ROR2: variants seen among roughly 807,000 people sequenced by gnomAD.
ROR2 encodes tyrosine-protein kinase transmembrane receptor ROR2.
Under a neutral mutation model 74.9 loss-of-function variants are expected in ROR2, and 33 were observed. The ratio of observed to expected loss-of-function variants is 0.44; its 90% CI spans 0.33 to 0.59. ROR2 has a LOEUF of 0.59. Ranked by LOEUF, ROR2 falls within the 20% of genes least tolerant of loss-of-function variation. The pLI is 0.02. For synonymous variants in ROR2, 586 were observed against 558.7 expected (o/e 1.05, Z -0.69); for missense variants, 1,216 against 1,313.8 (o/e 0.93, Z 1.15).
At chr9:91,865,848 C>A (rs1178271635) in intron 1 of ROR2, among the ~76,000 whole-genome samples, 2 of 152,126 alleles carry the variant, frequency 1.3e-5, no homozygotes, top group East Asian at 3.9e-4. Flanking sequence ...AACAGGGCCC[C>A]ACCTCCAAAA....
intron 4 of ROR2, among the ~76,000 whole-genome samples, chr9:91,743,431 C>T (rs1326852732): frequency 2.0e-5 from 3 of 151,880 alleles, no homozygotes; most frequent in South Asian, 2.1e-4. Context: ...ATTAGCCAGG[C>T]GTGGTGATGC....
rs376007496 is a variant in ROR2 at position 91,862,463 on chromosome 9, G to A, written c.98-86645C>T. Among the ~76,000 whole-genome samples, 59 of 152,196 alleles carry A rather than the reference G, an allele frequency of 3.9e-4. No individual in the cohort carries two copies. The South Asian group carries it at 0.011, about 28-fold the overall frequency. ...AGTTGAGGCCAAGAGTTCAGAAACA[G>A]CCTCGTCAACACACTGAGGCCCTGT... On this transcript the variant is annotated intron_variant, in intron 1 of 8. Transcript: ENST00000375708.
chr9:91,929,138 T>G (rs1831486029), intron 1 of ROR2, among the ~76,000 whole-genome samples: 1 of 152,170 alleles, frequency 6.6e-6, no homozygotes, highest in Admixed American at 6.5e-5. Context: ...CACCCGTATT[T>G]CCCCTAACAC....
chr9:91,821,654 G>A (rs1190304885), intron 1 of ROR2, among the ~76,000 whole-genome samples: 3 of 152,126 alleles, frequency 2.0e-5, no homozygotes, highest in African/African-American at 7.2e-5. Context: ...GTCAACCATT[G>A]TCAGTGCCAA....
At chr9:91,891,683 G>A (rs1830423827) in intron 1 of ROR2, among the ~76,000 whole-genome samples, 1 of 152,140 alleles carries the variant, frequency 6.6e-6, no homozygotes, top group African/African-American at 2.4e-5. Flanking sequence ...TTCCTTGCTG[G>A]GTGTGGGCTG....
At chr9:91,755,028 A>C (rs990524448) in intron 4 of ROR2, among the ~76,000 whole-genome samples, 4 of 152,190 alleles carry the variant, frequency 2.6e-5, no homozygotes, top group Middle Eastern at 3.4e-3. Context: ...GGTGGCACGC[A>C]CCTGCAGTCC....
chr9:91,825,435 C>T (rs1464484096), intron 1 of ROR2, among the ~76,000 whole-genome samples: 2 of 152,188 alleles, frequency 1.3e-5, no homozygotes, highest in African/African-American at 4.8e-5. Flanking sequence ...GAACATAAAA[C>T]AGAGTGCAAT....
chr9:91,764,753 A>G (rs1826011884), intron 2 of ROR2, among the ~76,000 whole-genome samples: 2 of 152,232 alleles, frequency 1.3e-5, no homozygotes, highest in African/African-American at 4.8e-5. Flanking sequence ...CTCATCCTGA[A>G]TAACATTCAT....
At chr9:91,775,865 G>T in intron 1 of ROR2, 47 bp from the exon 2 acceptor site, 1 of 1,548,982 alleles carries the variant, frequency 6.5e-7, no homozygotes, top group African/African-American at 1.4e-5. Flanking sequence ...TTTCCTTTCA[G>T]GAGCCTTTAA....
At chr9:91,803,598 C>CA (rs1047806158) in intron 1 of ROR2, among the ~76,000 whole-genome samples, 59 of 152,158 alleles carry the variant, frequency 3.9e-4, no homozygotes, top group Non-Finnish European at 6.3e-4. Flanking sequence ...GAGACAACAA[C>CA]AAAAAAACCC....
At chr9:91,773,182 C>T (rs750345607) in intron 2 of ROR2, among the ~76,000 whole-genome samples, 4 of 152,190 alleles carry the variant, frequency 2.6e-5, no homozygotes, top group African/African-American at 4.8e-5. Context: ...AGGAAGCCCC[C>T]GGGTGAGAGG....
At chr9:91,806,869 A>G (rs112661181) in intron 1 of ROR2, among the ~76,000 whole-genome samples, 3,857 of 152,286 alleles carry the variant, frequency 0.025, 148 homozygotes, top group African/African-American at 0.083. Flanking sequence ...GATTACAGGC[A>G]TAAGCCATCG....
chr9:91,858,398 T>C (rs1006051979), intron 1 of ROR2, among the ~76,000 whole-genome samples: 2 of 151,598 alleles, frequency 1.3e-5, no homozygotes, highest in African/African-American at 4.8e-5. Flanking sequence ...CACACAGGCA[T>C]ACATTCACAC....
At chr9:91,906,955 G>A (rs541645349) in intron 1 of ROR2, among the ~76,000 whole-genome samples, 1 of 152,170 alleles carries the variant, frequency 6.6e-6, no homozygotes, top group East Asian at 1.9e-4. Context: ...TGGTGGCGGT[G>A]GGAACATTCA....
At chr9:91,844,937 C>A (rs529038124) in intron 1 of ROR2, among the ~76,000 whole-genome samples, 1 of 152,276 alleles carries the variant, frequency 6.6e-6, no homozygotes, top group South Asian at 2.1e-4. Flanking sequence ...TTTCTACACA[C>A]GCATCCTAAT....
chr9:91,818,590 G>A (rs554075149), intron 1 of ROR2, among the ~76,000 whole-genome samples: 9 of 152,152 alleles, frequency 5.9e-5, no homozygotes, highest in South Asian at 4.1e-4. Flanking sequence ...GCCTTCTGAG[G>A]TGGCCGAGAG....
chr9:91,867,211 C>G (rs1032039495), intron 1 of ROR2, among the ~76,000 whole-genome samples: 1 of 152,230 alleles, frequency 6.6e-6, no homozygotes, highest in Non-Finnish European at 1.5e-5. Context: ...GCTTCCAGCT[C>G]TGCTGGAGCA....
rs528487829 is a variant in ROR2 at position 91,819,386 on chromosome 9, G to A, written c.98-43568C>T. Among the ~76,000 whole-genome samples the A allele has an allele frequency of 1.6e-4, 25 of 152,310 alleles. No individual in the cohort carries two copies. In the East Asian group the frequency reaches 2.9e-3, roughly 18 times the overall value. On this transcript the variant is annotated intron_variant, in intron 1 of 8. Coordinates refer to ENST00000375708, the MANE Select transcript of ROR2 (RefSeq NM_004560.4). ...CTGTATGTGTGTCTATGTCTGTGAC[G>A]ATGCACGTGTCTACGTGTGTGTCTT...
chr9:91,886,252 G>A (rs1306115792), intron 1 of ROR2, among the ~76,000 whole-genome samples: 1 of 152,164 alleles, frequency 6.6e-6, no homozygotes, highest in Non-Finnish European at 1.5e-5. Flanking sequence ...ACATTTAGAG[G>A]AGCAGGAGAG....
Sources: gnomAD v4.1 joint callset for allele counts (sites outside exome capture counted in the v4.1 genomes callset) on GRCh38, gnomAD v4.1.1 for gene constraint, MANE v1.5 for transcripts, NCBI Gene and HGNC (gene_info 2026-07-23, HGNC 2026-07-21) for gene names.